The following B3GALT1 variants were observed in gnomAD, a reference collection of about 807,000 sequenced individuals.
The protein encoded by B3GALT1 is beta-1,3-galactosyltransferase 1.
Under a neutral mutation model 23.2 loss-of-function variants are expected in B3GALT1, and 10 were observed. The observed-to-expected ratio is 0.43, with a 90% CI of 0.27 to 0.73. B3GALT1 has a LOEUF of 0.73. Among genes scored for constraint, B3GALT1 ranks in the 30% least tolerant of loss-of-function variants. B3GALT1 has a pLI of 0.21. For missense variants in B3GALT1, 299 were observed against 405.4 expected (o/e 0.74, Z 2.25); for synonymous variants, 156 against 141.5 (o/e 1.10, Z -0.73).
At chr2:167,354,863 A>C (rs539643507) in intron 1 of B3GALT1, among the ~76,000 whole-genome samples, 58 of 152,232 alleles carry the variant, frequency 3.8e-4, no homozygotes, top group Middle Eastern at 6.8e-3. Context: ...TCTAATTCTA[A>C]CATATTTTTC....
At chr2:167,371,266 A>G (rs1211537039) in intron 1 of B3GALT1, among the ~76,000 whole-genome samples, 1 of 152,130 alleles carries the variant, frequency 6.6e-6, no homozygotes, top group South Asian at 2.1e-4. Flanking sequence ...TCAAATGTTG[A>G]CATAGTATGT....
At chr2:167,846,871 G>T (rs527695505) in intron 4 of B3GALT1, among the ~76,000 whole-genome samples, 1 of 152,214 alleles carries the variant, frequency 6.6e-6, no homozygotes, top group Admixed American at 6.5e-5. Flanking sequence ...GGAGACTCAC[G>T]TAGCCCATAA....
intron 2 of B3GALT1, among the ~76,000 whole-genome samples, chr2:167,585,849 CAAAAAT>C (rs766657394): frequency 8.6e-5 from 13 of 151,978 alleles, no homozygotes; most frequent in Non-Finnish European, 1.0e-4. Flanking sequence ...GAAGAATATA[CAAAAAT>C]AAAAATAACA....
chr2:167,629,086 G>A (rs1685394395), intron 2 of B3GALT1, among the ~76,000 whole-genome samples: 1 of 151,616 alleles, frequency 6.6e-6, no homozygotes, highest in Non-Finnish European at 1.5e-5. Flanking sequence ...AGCCAACAGA[G>A]GACGGATTGG....
chr2:167,770,595 T>C (rs1450733112), intron 3 of B3GALT1, among the ~76,000 whole-genome samples: 1 of 152,192 alleles, frequency 6.6e-6, no homozygotes, highest in Non-Finnish European at 1.5e-5. Context: ...TAGTGGTGTC[T>C]TTCTCAAAGC....
intron 2 of B3GALT1, among the ~76,000 whole-genome samples, chr2:167,590,180 A>G (rs555796364): frequency 6.6e-6 from 1 of 152,092 alleles, no homozygotes; most frequent in Admixed American, 6.5e-5. Flanking sequence ...CCCCGTCTCT[A>G]CTAAAAATAC....
intron 2 of B3GALT1, among the ~76,000 whole-genome samples, chr2:167,599,681 A>G (rs2105422719): frequency 6.6e-6 from 1 of 152,368 alleles, no homozygotes; most frequent in Non-Finnish European, 1.5e-5. Flanking sequence ...ATTTCATTTT[A>G]CATCTTATAC....
intron 1 of B3GALT1, among the ~76,000 whole-genome samples, chr2:167,427,959 A>G (rs1698649195): frequency 6.6e-6 from 1 of 152,192 alleles, no homozygotes; most frequent in South Asian, 2.1e-4. Flanking sequence ...TTTGCAAGCT[A>G]TTCCTTTTCT....
intron 3 of B3GALT1, among the ~76,000 whole-genome samples, chr2:167,749,239 C>CA (rs903604297): frequency 5.3e-5 from 8 of 151,910 alleles, no homozygotes; most frequent in East Asian, 1.9e-4. Context: ...GACTATTGAG[C>CA]AAAAAAAATA....
At chr2:167,537,825 C>CT (rs530916294) in intron 2 of B3GALT1, among the ~76,000 whole-genome samples, 9,542 of 132,842 alleles carry the variant, frequency 0.072, 490 homozygotes, top group African/African-American at 0.13. Flanking sequence ...GATGCTTGTT[C>CT]TTTTTTTTTT....
intron 1 of B3GALT1, among the ~76,000 whole-genome samples, chr2:167,345,881 G>T (rs1429692220): frequency 6.6e-6 from 1 of 152,014 alleles, no homozygotes; most frequent in Non-Finnish European, 1.5e-5. Context: ...GAGTTTTCTT[G>T]GTCTTCCCAT....
At chr2:167,489,871 G>T (rs1192714552) in intron 1 of B3GALT1, among the ~76,000 whole-genome samples, 1 of 152,118 alleles carries the variant, frequency 6.6e-6, no homozygotes, top group African/African-American at 2.4e-5. Flanking sequence ...AATGTCTGGG[G>T]AAAGTAAGCA....
At chr2:167,669,285 CT>C (rs1686277331) in intron 3 of B3GALT1, among the ~76,000 whole-genome samples, 1 of 152,144 alleles carries the variant, frequency 6.6e-6, no homozygotes, top group Non-Finnish European at 1.5e-5. Flanking sequence ...TCATTTGAAA[CT>C]CATGAAAATA....
chr2:167,573,784 G>A (rs750917726), intron 2 of B3GALT1, among the ~76,000 whole-genome samples: 18 of 151,666 alleles, frequency 1.2e-4, no homozygotes, highest in Middle Eastern at 3.4e-3. Flanking sequence ...AGAAAAAAAA[G>A]TGTGCTTAGC....
intron 2 of B3GALT1, among the ~76,000 whole-genome samples, chr2:167,556,912 C>T (rs974319170): frequency 3.3e-5 from 5 of 152,130 alleles, no homozygotes; most frequent in Non-Finnish European, 7.4e-5. Flanking sequence ...AATGTTATGT[C>T]TGTTCTACAG....
At chr2:167,840,237 C>T (rs1163482554) in intron 4 of B3GALT1, among the ~76,000 whole-genome samples, 1 of 151,962 alleles carries the variant, frequency 6.6e-6, no homozygotes, top group Non-Finnish European at 1.5e-5. Flanking sequence ...TCAGAGTGAA[C>T]AGGCAACCCA....
intron 4 of B3GALT1, among the ~76,000 whole-genome samples, chr2:167,838,819 C>T (rs2105394455): frequency 6.6e-6 from 1 of 152,306 alleles, no homozygotes; most frequent in East Asian, 1.9e-4. Context: ...CATCAAAAAG[C>T]TTATCCACCA....
At chr2:167,510,479 A>G (rs1290757341) in intron 2 of B3GALT1, among the ~76,000 whole-genome samples, 2 of 148,866 alleles carry the variant, frequency 1.3e-5, no homozygotes, top group Admixed American at 1.4e-4. Context: ...AAAGCATTCC[A>G]TAGATAAGAA....
intron 1 of B3GALT1, among the ~76,000 whole-genome samples, chr2:167,321,009 G>T (rs1309000473): frequency 2.0e-5 from 3 of 151,952 alleles, no homozygotes; most frequent in Non-Finnish European, 1.5e-5. Flanking sequence ...TCATTCAGAA[G>T]ACTTTAAAAG....
Sources: allele counts gnomAD v4.1 joint callset (sites outside exome capture counted in the v4.1 genomes callset), GRCh38; gene constraint gnomAD v4.1.1; transcripts MANE v1.5; gene names NCBI Gene and HGNC (gene_info 2026-07-23, HGNC 2026-07-21).